The following ZFHX3 variants were observed in gnomAD, a reference collection of about 807,000 sequenced individuals.
ZFHX3 encodes zinc finger homeobox 3.
In ZFHX3, 42 loss-of-function variants were observed where a neutral mutation model predicts 279.1. The ratio of observed to expected loss-of-function variants is 0.15; its 90% CI spans 0.12 to 0.19. The LOEUF (loss-of-function observed/expected upper bound fraction) is 0.19, where lower values mean the gene tolerates loss of function less well. Among genes scored for constraint, ZFHX3 ranks in the 10% least tolerant of loss-of-function variants. The pLI is 1.00. For synonymous variants in ZFHX3, 2,293 were observed against 1,957.8 expected, an observed-to-expected ratio of 1.17 and a Z score of -4.52; for missense variants, 4,981 against 4,754.0, an observed-to-expected ratio of 1.05 and a Z score of -1.40.
intron 5 of ZFHX3, chr16:72,829,390 A>G (rs542655292): frequency 1.1e-5 from 2 of 183,066 alleles, no homozygotes; most frequent in South Asian, 2.9e-4. Context: ...CCTTGGGAGC[A>G]GGTGGGACCA....
chr16:73,702,486 G>A (rs2053258290), intron 1 of ZFHX3, among the ~76,000 whole-genome samples: 1 of 152,160 alleles, frequency 6.6e-6, no homozygotes, highest in Non-Finnish European at 1.5e-5. Context: ...TAGGTTTGTG[G>A]AACCTTCCTC....
intron 1 of ZFHX3, among the ~76,000 whole-genome samples, chr16:73,804,424 T>C (rs1960218677): frequency 1.3e-5 from 2 of 152,154 alleles, no homozygotes; most frequent in Admixed American, 6.5e-5. Context: ...ACCTCTCACA[T>C]AGGTGATACC....
chr16:73,236,130 T>A (rs1264380293), intron 5 of ZFHX3, among the ~76,000 whole-genome samples: 1 of 152,210 alleles, frequency 6.6e-6, no homozygotes, highest in Non-Finnish European at 1.5e-5. Flanking sequence ...TTTAAAAATA[T>A]AGATATTAGC....
intron 4 of ZFHX3, among the ~76,000 whole-genome samples, chr16:73,276,860 C>G (rs1567437553): frequency 6.6e-6 from 1 of 152,202 alleles, no homozygotes; most frequent in Non-Finnish European, 1.5e-5. Context: ...AACATTCCAT[C>G]ATATGGGCTA....
intron 2 of ZFHX3, among the ~76,000 whole-genome samples, chr16:73,548,211 C>T (rs958877233): frequency 2.0e-5 from 3 of 152,228 alleles, no homozygotes; most frequent in East Asian, 1.9e-4. Flanking sequence ...AAAGTGCACA[C>T]GGAATCCATT....
At chr16:73,303,221 T>A (rs1196039791) in intron 4 of ZFHX3, among the ~76,000 whole-genome samples, 1 of 152,030 alleles carries the variant, frequency 6.6e-6, no homozygotes, top group African/African-American at 2.4e-5. Flanking sequence ...AGGGATGGGG[T>A]CTTGCTGTGT....
Position 72,974,779 on chromosome 16 carries a change from G to A in ZFHX3, c.-49-14585C>T, listed in dbSNP as rs115508492. Among the ~76,000 whole-genome samples, 1,520 of 152,300 alleles carry A rather than the reference G, an allele frequency of 1.0e-2. 18 individuals carry two copies. The highest frequency in any genetic ancestry group is 0.032 in the African/African-American group (1,323 of 41,574). On this transcript the variant is annotated intron_variant, in intron 1 of 9. Transcript: ENST00000268489. ...GGATGCCTACTGCAAAAGCAAAATC[G>A]TACACGGGGTCTTCCCCATGCCTTG...
At chr16:73,241,853 T>C (rs2144944797) in intron 5 of ZFHX3, among the ~76,000 whole-genome samples, 1 of 145,106 alleles carries the variant, frequency 6.9e-6, no homozygotes, top group South Asian at 2.2e-4. Context: ...TTATTAAAAG[T>C]CTATTTGGAG....
intron 2 of ZFHX3, among the ~76,000 whole-genome samples, chr16:73,579,364 G>C (rs180824323): frequency 5.8e-4 from 88 of 152,296 alleles, no homozygotes; most frequent in African/African-American, 2.0e-3. Flanking sequence ...CTGAGGCTGT[G>C]TCATGGGTGC....
chr16:73,356,021 C>A (rs955295563), intron 3 of ZFHX3, among the ~76,000 whole-genome samples: 1 of 152,194 alleles, frequency 6.6e-6, no homozygotes. Flanking sequence ...GTACACTTTC[C>A]ATTCTGCTTA....
chr16:73,468,502 C>G (rs1450455819), intron 2 of ZFHX3, among the ~76,000 whole-genome samples: 1 of 152,080 alleles, frequency 6.6e-6, no homozygotes, highest in South Asian at 2.1e-4. Flanking sequence ...TTGGGAGGCC[C>G]AGACAGGTGG....
chr16:73,421,781 A>T (rs1391961030), intron 3 of ZFHX3, among the ~76,000 whole-genome samples: 2 of 151,924 alleles, frequency 1.3e-5, no homozygotes, highest in Non-Finnish European at 2.9e-5. Context: ...TGGGTGGGGG[A>T]TGGGTTTGTT....
chr16:72,963,288 C>T (rs777400465), intron 1 of ZFHX3, among the ~76,000 whole-genome samples: 4 of 152,128 alleles, frequency 2.6e-5, no homozygotes, highest in Non-Finnish European at 5.9e-5. Context: ...TCCTGCAGCC[C>T]GCTTCTCTGC....
intron 1 of ZFHX3, among the ~76,000 whole-genome samples, chr16:73,029,532 C>T (rs79902773): frequency 2.0e-5 from 3 of 152,080 alleles, no homozygotes; most frequent in African/African-American, 4.8e-5. Flanking sequence ...GTGTGTTGGA[C>T]GACGGAAGGA....
intron 3 of ZFHX3, among the ~76,000 whole-genome samples, chr16:73,372,829 A>G (rs574377544): frequency 2.6e-5 from 4 of 152,126 alleles, no homozygotes; most frequent in Admixed American, 2.6e-4. Context: ...TAGTAATGAA[A>G]CCCTCAAAAA....
At chr16:73,838,751 C>A (rs187281402) in intron 1 of ZFHX3, among the ~76,000 whole-genome samples, 10 of 139,602 alleles carry the variant, frequency 7.2e-5, no homozygotes, top group Admixed American at 6.2e-4. Context: ...TGCGCACATG[C>A]GTGTGTGTGT....
At chr16:73,460,991 T>A (rs867642956) in intron 2 of ZFHX3, among the ~76,000 whole-genome samples, 1 of 152,236 alleles carries the variant, frequency 6.6e-6, no homozygotes, top group Non-Finnish European at 1.5e-5. Context: ...CTCTTCTCTT[T>A]ATAAATTACC....
intron 1 of ZFHX3, among the ~76,000 whole-genome samples, chr16:73,022,697 A>C (rs1005219827): frequency 3.3e-5 from 5 of 152,156 alleles, no homozygotes; most frequent in Non-Finnish European, 7.4e-5. Flanking sequence ...CACAGGGCCA[A>C]GCAGGTAACA....
At chr16:73,418,539 T>C (rs1316793704) in intron 3 of ZFHX3, among the ~76,000 whole-genome samples, 1 of 152,240 alleles carries the variant, frequency 6.6e-6, no homozygotes, top group African/African-American at 2.4e-5. Flanking sequence ...CATTTATAGA[T>C]GTATCACTGC....
Sources: allele counts gnomAD v4.1 joint callset (sites outside exome capture counted in the v4.1 genomes callset), GRCh38; gene constraint gnomAD v4.1.1; transcripts MANE v1.5; gene names NCBI Gene and HGNC (gene_info 2026-07-23, HGNC 2026-07-21).